The following NBPF3 variants were observed in gnomAD, a reference collection of about 807,000 sequenced individuals.
The protein encoded by NBPF3 is NBPF member 3, also known as NBPF family member NBPF3.
In NBPF3, 57 loss-of-function variants were observed where a neutral mutation model predicts 78.1. The ratio of observed to expected loss-of-function variants is 0.73; its 90% CI spans 0.59 to 0.91. The LOEUF (loss-of-function observed/expected upper bound fraction) is 0.91. Ranked by LOEUF, NBPF3 falls within the 40% of genes least tolerant of loss-of-function variation. The pLI is 0.00. For synonymous variants in NBPF3, 182 were observed against 271.7 expected (o/e 0.67, Z 3.25); for missense variants, 510 against 715.3 (o/e 0.71, Z 3.27).
chr1:21,474,338 G>A (rs765083890), intron 7 of NBPF3, among the ~76,000 whole-genome samples: 3 of 152,038 alleles, frequency 2.0e-5, no homozygotes, highest in Non-Finnish European at 4.4e-5. Flanking sequence ...TGAGTCGCTG[G>A]TACCACAGGT....
intron 6 of NBPF3, 102 bp downstream of exon 6, chr1:21,473,017 TC>T: frequency 1.1e-6 from 1 of 896,970 alleles, no homozygotes; most frequent in Non-Finnish European, 1.8e-6. Context: ...AAGCCTGCAT[TC>T]CCTTGGCCAC....
chr1:21,471,223 T>C (rs1434450780), intron 4 of NBPF3, among the ~76,000 whole-genome samples: 1 of 152,190 alleles, frequency 6.6e-6, no homozygotes, highest in East Asian at 1.9e-4. Context: ...CGCTGCAAGA[T>C]GCACTATGTG....
chr1:21,450,750 G>GA (rs11376099), intron 2 of NBPF3, among the ~76,000 whole-genome samples: 132,612 of 152,168 alleles, frequency 0.87, 60,094 homozygotes, highest in Non-Finnish European at 0.99. Context: ...ACCAGGTGTG[G>GA]TGAGGCTTCT....
At chr1:21,466,954 G>A in intron 2 of NBPF3, 1 of 975,066 alleles carries the variant, frequency 1.0e-6, no homozygotes, top group Non-Finnish European at 1.2e-6. Flanking sequence ...TGGATCCTAT[G>A]AATAATTACT....
chr1:21,444,753 G>A (rs1365526750), intron 1 of NBPF3, among the ~76,000 whole-genome samples, 195 bp from the exon 2 acceptor site: 1 of 152,060 alleles, frequency 6.6e-6, no homozygotes, highest in Non-Finnish European at 1.5e-5. Flanking sequence ...CCAAGACGGG[G>A]TCTTACTATG....
chr1:21,465,362 T>C (rs1240927367), intron 2 of NBPF3, among the ~76,000 whole-genome samples: 9 of 152,388 alleles, frequency 5.9e-5, no homozygotes, highest in African/African-American at 2.2e-4. Context: ...ACCTGAGCCC[T>C]CTGAATCAGA....
upstream of NBPF3, among the ~76,000 whole-genome samples, chr1:21,439,106 G>C (rs1197190226): frequency 2.0e-5 from 3 of 152,136 alleles, no homozygotes; most frequent in Non-Finnish European, 1.5e-5. Flanking sequence ...TTGGCACGTG[G>C]CTGGCACGTG....
In NBPF3 at chr1:21,479,480, A is replaced by C. The variant is rs1209046853; in HGVS notation, c.1208+80A>C. The C allele has an allele frequency of 4.0e-6, 5 of 1,263,536 alleles. No homozygotes were observed. In the African/African-American group the frequency reaches 7.3e-5, roughly 19 times the overall value. 78.3% of individuals were successfully genotyped at this position (1,263,536 alleles called of 1,614,324 possible). The stretch of plus-strand genomic sequence containing the variant: ...AGTCCGGGGAAAGCAGTACATGCTG[A>C]AAATGATGATTTCATCTTGTCAGAC... On this transcript the variant is annotated intron_variant, in intron 10 of 14. Transcript: ENST00000318249.
rs571829331 is a variant in NBPF3 at position 21,441,992 on chromosome 1, G to C, written c.-140+1644G>C. Among the ~76,000 whole-genome samples, 44 of 152,234 alleles carry C rather than the reference G, an allele frequency of 2.9e-4. 1 individual carries two copies. Among genetic ancestry groups the C allele is most frequent in the African/African-American group, 8.4e-4 (35 of 41,542 alleles). Reference sequence around the variant, plus strand: ...AGTAATATATCAGTGTGGTTTCATTGAGATTGAGTATCTTTTATTGCCATT... The same window carrying C: ...AGTAATATATCAGTGTGGTTTCATTCAGATTGAGTATCTTTTATTGCCATT... On this transcript the variant is annotated intron_variant, in intron 1 of 14. Transcript: ENST00000318249.
At chr1:21,437,462 A>G, upstream of NBPF3, 1 of 1,443,908 alleles carries the variant, frequency 6.9e-7, no homozygotes. Context: ...GACCGAGGGC[A>G]CCATGCAGGT....
intron 4 of NBPF3, 141 bp from the exon 5 acceptor site, chr1:21,471,428 C>T (rs1642586983): frequency 2.2e-6 from 3 of 1,382,562 alleles, no homozygotes; most frequent in Admixed American, 2.0e-5. Flanking sequence ...CTCTTGGGCA[C>T]AGACATTTCT....
intron 2 of NBPF3, among the ~76,000 whole-genome samples, chr1:21,452,162 C>G (rs927037959): frequency 1.3e-5 from 2 of 152,116 alleles, no homozygotes; most frequent in African/African-American, 2.4e-5. Flanking sequence ...AAAGTGTTGC[C>G]TTGCTTCCTT....
intron 2 of NBPF3, among the ~76,000 whole-genome samples, chr1:21,459,535 C>A (rs577372188): frequency 6.6e-6 from 1 of 152,176 alleles, no homozygotes; most frequent in African/African-American, 2.4e-5. Context: ...GGCCCCCAGC[C>A]CATGTGGTTT....
At chr1:21,468,023 A>G (rs1438056119) in intron 2 of NBPF3, 1 of 152,490 alleles carries the variant, frequency 6.6e-6, no homozygotes, top group Non-Finnish European at 1.5e-5. Context: ...TTTCTAGTGG[A>G]TACAGACAAA....
In NBPF3 at chr1:21,471,574, A is replaced by G. The variant is rs141141245; in HGVS notation, c.452A>G (p.Tyr151Cys). 2.5e-5 allele frequency: 40 copies of G among 1,611,814 alleles called. No homozygotes were observed. The highest frequency in any genetic ancestry group is 3.4e-5 in the Non-Finnish European group (40 of 1,179,780). Residue 151 changes from tyrosine (Y) to cysteine (C), a missense_variant, in exon 5 of 15, where the codon TAT becomes TGT. By Grantham distance (194) the Tyr-to-Cys change is radical. Coordinates refer to ENST00000318249, the MANE Select transcript of NBPF3 (RefSeq NM_032264.6). ...ELGQAEELRQ[Y>C]KVLVHSQERE... ...TCTCTACTATCTCACCTTAGGCAAT[A>G]TAAAGTCCTGGTTCACTCTCAGGAA... is the stretch of plus-strand genomic sequence containing the variant.
chr1:21,439,067 T>C (rs998042061), upstream of NBPF3, among the ~76,000 whole-genome samples: 1 of 152,190 alleles, frequency 6.6e-6, no homozygotes, highest in African/African-American at 2.4e-5. Context: ...ACGCTCTTCC[T>C]GACCCCTAAC....
At chr1:21,463,721 G>A (rs944948364) in intron 2 of NBPF3, among the ~76,000 whole-genome samples, 4 of 152,168 alleles carry the variant, frequency 2.6e-5, no homozygotes, top group African/African-American at 9.7e-5. Context: ...CACAGGTCTA[G>A]TACCTAGAGT....
chr1:21,438,904 G>A (rs1174715573), upstream of NBPF3, among the ~76,000 whole-genome samples: 1 of 152,218 alleles, frequency 6.6e-6, no homozygotes, highest in East Asian at 1.9e-4. Flanking sequence ...AAATTAGTGC[G>A]AAGGCAGAGG....
chr1:21,459,760 T>C, intron 2 of NBPF3: 1 of 321,484 alleles, frequency 3.1e-6, no homozygotes, highest in South Asian at 3.3e-5. Flanking sequence ...AGGCCCAGTG[T>C]CTTGGCAATC....
Sources: allele counts gnomAD v4.1 joint callset (sites outside exome capture counted in the v4.1 genomes callset), GRCh38; gene constraint gnomAD v4.1.1; transcripts MANE v1.5; gene names NCBI Gene and HGNC (gene_info 2026-07-23, HGNC 2026-07-21).